Variants in DDX20 observed in about 807,000 individuals in gnomAD.
DDX20 encodes probable ATP-dependent RNA helicase DDX20.
Under a neutral mutation model 76.4 loss-of-function variants are expected in DDX20, and 61 were observed. That is an observed-to-expected ratio of 0.80 (90% CI 0.65 to 0.99). The LOEUF is 0.99. Ranked by LOEUF, DDX20 falls within the 50% of genes least tolerant of loss-of-function variation. The probability of loss-of-function intolerance (pLI) is 0.00; values close to 1 mark genes in which losing one functional copy is unlikely to be tolerated. For synonymous variants in DDX20, 357 were observed against 357.4 expected (o/e 1.00, Z 0.01); for missense variants, 976 against 996.8 (o/e 0.98, Z 0.28).
At chr1:111,760,093 G>A (rs1476659710) in intron 3 of DDX20, among the ~76,000 whole-genome samples, 1 of 152,164 alleles carries the variant, frequency 6.6e-6, no homozygotes, top group Non-Finnish European at 1.5e-5. Flanking sequence ...GAGAAGACAT[G>A]GGATAGGCTT....
In DDX20 at chr1:111,755,996, C is replaced by T. The variant is rs1663537338; in HGVS notation, c.72C>T (p.Ala24=). 5 of 1,606,264 alleles carry T rather than the reference C, an allele frequency of 3.1e-6. No individual in the cohort carries two copies. The highest frequency in any genetic ancestry group is 1.3e-5 in the African/African-American group (1 of 74,768). Residue 24 remains alanine (A), a synonymous_variant, in exon 1 of 11, where the codon GCC becomes GCT. Coordinates refer to ENST00000369702, the MANE Select transcript of DDX20 (RefSeq NM_007204.5). ...VATAMPAEHV[A]VQVPAPEPTP... The stretch of plus-strand genomic sequence containing the variant: ...CTGCTATGCCGGCTGAGCATGTGGC[C>T]GTGCAGGTCCCGGCCCCAGAGCCAA...
At position 111,755,930 on chromosome 1, in the gene DDX20, G is replaced by A; in HGVS notation, c.6G>A (p.Ala2=). 1.9e-6 allele frequency: 3 copies of A among 1,572,088 alleles called. No homozygotes were observed. The highest frequency in any genetic ancestry group is 2.6e-6 in the Non-Finnish European group (3 of 1,154,718). The change falls in exon 1 of 11, where the codon GCG becomes GCA. Residue 2 remains alanine, a synonymous_variant. Coordinates refer to ENST00000369702, the MANE Select transcript of DDX20 (RefSeq NM_007204.5). The part of the protein sequence containing the change: M[A]AAFEASGALA... Reference sequence around the variant, plus strand: ...GATCTGACGGCGCGGCTACCATGGCGGCGGCATTTGAAGCCTCGGGAGCCT... The same window carrying A: ...GATCTGACGGCGCGGCTACCATGGCAGCGGCATTTGAAGCCTCGGGAGCCT...
In DDX20 at chr1:111,760,390, A is replaced by G. The variant is rs1381308170; in HGVS notation, c.566-84A>G. On this transcript the variant is annotated intron_variant, in intron 3 of 10. Transcript: ENST00000369702. ...AGGAAATTCAGCAGAACAACCTGTA[A>G]GTAATAAGTAGAGTAACAATATTGG... The G allele has an allele frequency of 6.5e-6, 6 of 929,780 alleles. No individual in the cohort carries two copies. The Middle Eastern group carries it at 9.7e-4, about 150-fold the overall frequency. 57.6% of individuals were successfully genotyped at this position (929,780 alleles called of 1,614,324 possible).
rs1461335213 is a variant in DDX20, at chr1:111,762,999, C to T, written c.1304C>T (p.Pro435Leu). Residue 435 changes from proline (P) to leucine (L), a missense_variant, in exon 10 of 11, where the codon CCT becomes CTT. Physicochemically the swap from Pro to Leu is moderately conservative, Grantham distance 98. This residue lies in a region of DDX20 where 630 missense variants were observed against 693.7 expected (regional missense o/e 0.91). Transcript: ENST00000369702. ...CAGAAATGTAATATCAACCTTCTCC[C>T]TTTACCAGGTACATTTCATCTGTTT... ...IAQKCNINLL[P>L]LPDPIPSGLM... 3 of 1,607,990 alleles carry T rather than the reference C, an allele frequency of 1.9e-6. No homozygotes were observed. Among genetic ancestry groups the T allele is most frequent in the Non-Finnish European group, 2.6e-6 (3 of 1,174,710 alleles).
chr1:111,766,554 A>G lies in DDX20; in HGVS notation c.2130A>G (p.Lys710=), dbSNP rs770744770. ...GAAGTGACACCCCCAATCCAGAGAA[A>G]TATCAAGAATCACCTGGAATCCAGA... is the stretch of plus-strand genomic sequence containing the variant. The part of the protein sequence containing the change: ...PNGSDTPNPE[K]YQESPGIQMK... Residue 710 remains lysine, a synonymous_variant, in exon 11 of 11, where the codon AAA becomes AAG. Coordinates refer to ENST00000369702, the MANE Select transcript of DDX20 (RefSeq NM_007204.5). The G allele has an allele frequency of 6.8e-6, 11 of 1,614,220 alleles. No individual in the cohort carries two copies. The East Asian group carries it at 2.5e-4, about 36-fold the overall frequency.
rs760523692 is a variant in DDX20, at chr1:111,762,313, C to T, written c.1080C>T (p.Cys360=). The stretch of plus-strand genomic sequence containing the variant: ...TGGCTAAACTGAAGCACTTTCATTG[C>T]AGAGTCCTCATTTCCACAGATTTGG... ...DAMAKLKHFH[C]RVLISTDLTS... Residue 360 remains cysteine, a synonymous_variant, in exon 8 of 11, where the codon TGC becomes TGT. Coordinates refer to ENST00000369702, the MANE Select transcript of DDX20 (RefSeq NM_007204.5). 1.9e-6 allele frequency: 3 copies of T among 1,613,254 alleles called. No homozygotes were observed. The South Asian group carries it at 3.3e-5, about 18-fold the overall frequency.
rs1442366771 is a variant in DDX20 at position 111,765,870 on chromosome 1, C to G, written c.1446C>G (p.Thr482=). The stretch of plus-strand genomic sequence containing the variant: ...AGCAAATTCAGAAAATAGAGAGAAC[C>G]CTTCAAATTCAGAAAGCTCATGGTG... ...LKKQIQKIER[T]LQIQKAHGDH... The change falls in exon 11 of 11, where the codon ACC becomes ACG. Residue 482 remains threonine, a synonymous_variant. Coordinates refer to ENST00000369702, the MANE Select transcript of DDX20 (RefSeq NM_007204.5). 1.9e-6 allele frequency: 3 copies of G among 1,613,942 alleles called. No individual in the cohort carries two copies. The highest frequency in any genetic ancestry group is 2.7e-5 in the African/African-American group (2 of 74,896).
At position 111,766,651 on chromosome 1, in the gene DDX20, T is replaced by G. The variant is rs1432071667; in HGVS notation, c.2227T>G (p.Ser743Ala). The change falls in exon 11 of 11, where the codon TCC becomes GCC. Residue 743 changes from serine (S) to alanine (A), a missense_variant. By Grantham distance (99) the Ser-to-Ala change is moderately conservative. This residue lies in a region of DDX20 where 630 missense variants were observed against 693.7 expected (regional missense o/e 0.91). Transcript: ENST00000369702. Reference sequence around the variant, plus strand: ...CCGGAGAAACCTACCCAGGCGGTCTTCCTTCAGATTGCAGACTGAAGCCCA... The same window carrying G: ...CCGGAGAAACCTACCCAGGCGGTCTGCCTTCAGATTGCAGACTGAAGCCCA... Reference protein sequence around the residue: ...QSRRNLPRRSSFRLQTEAQED... With the variant: ...QSRRNLPRRSAFRLQTEAQED... 1 of 1,614,178 alleles carries G rather than the reference T, an allele frequency of 6.2e-7. No individual in the cohort carries two copies. Among genetic ancestry groups the G allele is most frequent in the East Asian group, 2.2e-5 (1 of 44,880 alleles).
At chr1:111,763,443 G>A (rs1301349920) in intron 10 of DDX20, among the ~76,000 whole-genome samples, 1 of 152,002 alleles carries the variant, frequency 6.6e-6, no homozygotes, top group Non-Finnish European at 1.5e-5. Flanking sequence ...GTGGTGGCAG[G>A]TGCCTGTAAT....
chr1:111,762,927 CCTA>C lies in DDX20; in HGVS notation c.1235_1237del (p.Tyr412del). The C allele has an allele frequency of 6.2e-7, 1 of 1,613,920 alleles. No individual in the cohort carries two copies. The highest frequency in any genetic ancestry group is 8.5e-7 in the Non-Finnish European group (1 of 1,179,878). On this transcript the variant is annotated inframe_deletion, in exon 10 of 11. Transcript: ENST00000369702. Reference sequence around the variant, plus strand: ...TTAGGTACATTGGGGCTGACAGTGACCTACTGTTGCCGGGGAGAGGAAGAAAAT... The same window carrying C: ...TTAGGTACATTGGGGCTGACAGTGACCTGTTGCCGGGGAGAGGAAGAAAAT...
chr1:111,759,329 G>T, intron 2 of DDX20, 71 bp from the exon 3 acceptor site: 1 of 1,114,800 alleles, frequency 9.0e-7, no homozygotes, highest in Non-Finnish European at 1.3e-6. Flanking sequence ...AGTGTGTCAT[G>T]TAATGAATAT....
At chr1:111,763,176 T>C (rs1356408279) in intron 10 of DDX20, among the ~76,000 whole-genome samples, 169 bp downstream of exon 10, 1 of 152,154 alleles carries the variant, frequency 6.6e-6, no homozygotes, top group Non-Finnish European at 1.5e-5. Context: ...GTGTGTGCAA[T>C]TGTTTTGTAG....
In DDX20 at chr1:111,761,297, C is replaced by G; in HGVS notation, c.1021+13C>G. ...GAGTGCATTTCAGGTAAGTTCATCT[C>G]TTACTTTAATCTTTATTTAGTATAC... On this transcript the variant is annotated intron_variant, in intron 7 of 10. Transcript: ENST00000369702. 6.2e-7 allele frequency: 1 copy of G among 1,608,418 alleles called. No individual in the cohort carries two copies. Among genetic ancestry groups the G allele is most frequent in the African/African-American group, 1.3e-5 (1 of 74,792 alleles).
intron 10 of DDX20, 62 bp from the exon 11 acceptor site, chr1:111,765,675 C>T (rs1182414021): frequency 7.4e-7 from 1 of 1,357,700 alleles, no homozygotes; most frequent in African/African-American, 1.5e-5. Flanking sequence ...TGAAATCATT[C>T]AGAAAACAGT....
chr1:111,758,284 A>T (rs1157445132), intron 2 of DDX20, among the ~76,000 whole-genome samples: 1 of 152,190 alleles, frequency 6.6e-6, no homozygotes, highest in African/African-American at 2.4e-5. Context: ...CGTACCAGAA[A>T]ACAAAATCTG....
rs1281497773 is a variant in DDX20, at chr1:111,767,509, T to C, written c.*610T>C. Reference sequence around the variant, plus strand: ...TATTTACATGTTTGTTGTTTATCTTTTGAATGTCTTTTGAGGCTGTGAAAG... The same window carrying C: ...TATTTACATGTTTGTTGTTTATCTTCTGAATGTCTTTTGAGGCTGTGAAAG... On this transcript the variant is annotated 3_prime_UTR_variant, in exon 11 of 11. Transcript: ENST00000369702. 6.6e-6 allele frequency: 1 copy of C among 152,284 alleles called. No homozygotes were observed. The highest frequency in any genetic ancestry group is 6.5e-5 in the Admixed American group (1 of 15,288). The allele number at this position is 152,284 out of a possible 1,614,324, so 9.4% of individuals were successfully genotyped here.
At chr1:111,761,562 C>G (rs499842) in intron 7 of DDX20, 35,963 of 258,862 alleles carry the variant, frequency 0.14, 2,778 homozygotes, top group Admixed American at 0.2. Flanking sequence ...TAACTTAATT[C>G]TATAAAACCA....
chr1:111,759,212 T>C (rs1437790642), intron 2 of DDX20, among the ~76,000 whole-genome samples, 188 bp from the exon 3 acceptor site: 1 of 152,218 alleles, frequency 6.6e-6, no homozygotes, highest in East Asian at 1.9e-4. Context: ...CTGCCAGTTT[T>C]GGTATTTGGG....
chr1:111,756,324 C>G, intron 1 of DDX20, 99 bp downstream of exon 1: 1 of 1,273,382 alleles, frequency 7.9e-7, no homozygotes, highest in South Asian at 1.8e-5. Flanking sequence ...AGGAAGAGCC[C>G]TCGGTCGGCC....
Sources: gnomAD v4.1 joint callset for allele counts (sites outside exome capture counted in the v4.1 genomes callset) on GRCh38, gnomAD v4.1.1 for gene constraint, gnomAD v4.1.1 regional missense constraint, MANE v1.5 for transcripts, NCBI Gene and HGNC (gene_info 2026-07-23, HGNC 2026-07-21) for gene names.